The following GDF15 variants were observed in gnomAD, a reference collection of about 807,000 sequenced individuals.
The protein encoded by GDF15 is growth/differentiation factor 15.
A neutral mutation model predicts 8.9 loss-of-function variants in GDF15; 10 were observed. That is an observed-to-expected ratio of 1.12 (90% confidence interval 0.69 to 1.90). The LOEUF is 1.90. Among genes scored for constraint, GDF15 ranks in the 40% most tolerant of loss-of-function variants. The probability of loss-of-function intolerance (pLI) is 0.00; values close to 1 mark genes in which losing one functional copy is unlikely to be tolerated. For missense variants in GDF15, 452 were observed against 434.2 expected, an observed-to-expected ratio of 1.04 and a Z score of -0.36; for synonymous variants, 228 against 210.6, an observed-to-expected ratio of 1.08 and a Z score of -0.72.
At position 18,388,679 on chromosome 19, in the gene GDF15, G is replaced by A. The variant is rs537315987; in HGVS notation, c.671G>A (p.Gly224Asp). Residue 224 changes from glycine to aspartate, a missense_variant, in exon 2 of 2, where the codon GGC becomes GAC. Physicochemically the swap from Gly to Asp is moderately conservative, Grantham distance 94. Transcript: ENST00000252809. This position sits in a 1 kb window ranked among gnomAD's most constrained non-coding sequence, Gnocchi z 4.2. ...GTCCGCGCGTCGCTGGAAGACCTGG[G>A]CTGGGCCGATTGGGTGCTGTCGCCA... ...HTVRASLEDL[G>D]WADWVLSPRE... The A allele has an allele frequency of 8.1e-6, 13 of 1,607,252 alleles. No homozygotes were observed. Among genetic ancestry groups the A allele is most frequent in the South Asian group, 4.4e-5 (4 of 90,940 alleles).
At chr19:18,386,497 C>T (rs1225864990) in intron 1 of GDF15, 31 bp downstream of exon 1, 4 of 1,575,760 alleles carry the variant, frequency 2.5e-6, no homozygotes, top group Middle Eastern at 1.7e-4. Flanking sequence ...CCCCTCCCAC[C>T]CCCCAAGCAG....
Position 18,388,544 on chromosome 19 carries a change from A to C in GDF15, c.536A>C (p.Gln179Pro). Residue 179 changes from glutamine to proline, a missense_variant, in exon 2 of 2, where the codon CAG (glutamine) becomes CCG (proline). By Grantham distance (76) the Gln-to-Pro change is moderately conservative. Coordinates refer to ENST00000252809, the MANE Select transcript of GDF15 (RefSeq NM_004864.4). This position sits in a 1 kb window ranked among gnomAD's most constrained non-coding sequence, Gnocchi z 4.2. Reference protein sequence around the residue: ...LLAESSSARPQLELHLRPQAA... With the variant: ...LLAESSSARPPLELHLRPQAA... Reference sequence around the variant, plus strand: ...GCAGAATCTTCGTCCGCACGGCCCCAGCTGGAGTTGCACTTGCGGCCGCAA... The same window carrying C: ...GCAGAATCTTCGTCCGCACGGCCCCCGCTGGAGTTGCACTTGCGGCCGCAA... The C allele has an allele frequency of 1.3e-6, 2 of 1,597,560 alleles. No individual in the cohort carries two copies. Among genetic ancestry groups the C allele is most frequent in the South Asian group, 2.2e-5 (2 of 90,090 alleles).
rs538473844 is a variant in GDF15, at chr19:18,387,813, C to CTTTTTTTTTT, written c.278-456_278-447dup. 7.1e-4 allele frequency among the ~76,000 whole-genome samples: 50 copies of CTTTTTTTTTT among 70,326 alleles called. 5 individuals are homozygous for CTTTTTTTTTT. The highest frequency in any genetic ancestry group is 2.0e-3 in the African/African-American group (25 of 12,384). The allele number at this position is 70,326 out of a possible 152,430, so 46.1% of individuals were successfully genotyped here. A position where few individuals can be genotyped will look rare whatever the true frequency, so the allele number is the denominator to read the frequency against. On this transcript the variant is annotated intron_variant, in intron 1 of 1. Transcript: ENST00000252809. ...CAGGAGATTCAAGGGGAGAAATGCCCTTTTTTTTTTTTTTTTTTTTTTTTT... is the reference window on the plus strand; with the variant it reads ...CAGGAGATTCAAGGGGAGAAATGCCCTTTTTTTTTTTTTTTTTTTTTTTTTTTTTTTTTTT...
rs1397997585 is a variant in GDF15, at chr19:18,386,430, G to A, written c.241G>A (p.Val81Ile). Reference sequence around the variant, plus strand: ...CTGGGAAGATTCGAACACCGACCTCGTCCCGGCCCCTGCAGTCCGGATACT... The same window carrying A: ...CTGGGAAGATTCGAACACCGACCTCATCCCGGCCCCTGCAGTCCGGATACT... ...QSWEDSNTDLVPAPAVRILTP... is the reference protein window; with the variant it reads ...QSWEDSNTDLIPAPAVRILTP... The change falls in exon 1 of 2, where the codon GTC becomes ATC. Residue 81 changes from valine (V) to isoleucine (I), a missense_variant. Transcript: ENST00000252809. 1 of 1,613,476 alleles carries A rather than the reference G, an allele frequency of 6.2e-7. No individual in the cohort carries two copies. Among genetic ancestry groups the A allele is most frequent in the Non-Finnish European group, 8.5e-7 (1 of 1,179,962 alleles).
chr19:18,386,500 C>T (rs776459489), intron 1 of GDF15, 34 bp downstream of exon 1: 3 of 1,565,486 alleles, frequency 1.9e-6, no homozygotes, highest in East Asian at 4.5e-5. Context: ...CTCCCACCCC[C>T]CAAGCAGCCC....
At position 18,388,524 on chromosome 19, in the gene GDF15, A is replaced by G; in HGVS notation, c.516A>G (p.Glu172=). Residue 172 remains glutamate (E), a synonymous_variant, in exon 2 of 2, where the codon GAA becomes GAG. Transcript: ENST00000252809. This position sits in a 1 kb window ranked among gnomAD's most constrained non-coding sequence, Gnocchi z 4.2. Reference sequence around the variant, plus strand: ...CGCAGTCGGACCAACTGCTGGCAGAATCTTCGTCCGCACGGCCCCAGCTGG... The same window carrying G: ...CGCAGTCGGACCAACTGCTGGCAGAGTCTTCGTCCGCACGGCCCCAGCTGG... ...PPSQSDQLLA[E]SSSARPQLEL... The G allele has an allele frequency of 6.3e-7, 1 of 1,599,590 alleles. No individual in the cohort carries two copies. The highest frequency in any genetic ancestry group is 1.7e-4 in the Middle Eastern group (1 of 6,048).
intron 1 of GDF15, chr19:18,386,778 C>T: frequency 2.4e-6 from 1 of 411,576 alleles, no homozygotes; most frequent in Non-Finnish European, 4.5e-6. Context: ...GCGGTGTGGG[C>T]ATGGTCCCTG....
rs1363658256 is a variant in GDF15 at position 18,388,671 on chromosome 19, A to C, written c.663A>C (p.Glu221Asp). The change falls in exon 2 of 2, where the codon GAA (glutamate) becomes GAC (aspartate). Residue 221 changes from glutamate (E) to aspartate (D), a missense_variant. Glu to Asp is a conservative substitution (Grantham distance 45). Coordinates refer to ENST00000252809, the MANE Select transcript of GDF15 (RefSeq NM_004864.4). This position sits in a 1 kb window ranked among gnomAD's most constrained non-coding sequence, Gnocchi z 4.2. ...TGCACACGGTCCGCGCGTCGCTGGAAGACCTGGGCTGGGCCGATTGGGTGC... is the reference window on the plus strand; with the variant it reads ...TGCACACGGTCCGCGCGTCGCTGGACGACCTGGGCTGGGCCGATTGGGTGC... ...CRLHTVRASL[E>D]DLGWADWVLS... 1 of 1,603,950 alleles carries C rather than the reference A, an allele frequency of 6.2e-7. No individual in the cohort carries two copies. Among genetic ancestry groups the C allele is most frequent in the Non-Finnish European group, 8.5e-7 (1 of 1,175,588 alleles).
Position 18,388,511 on chromosome 19 carries a change from AACT to A in GDF15, c.504_506del (p.Leu170del). The stretch of plus-strand genomic sequence containing the variant: ...TCGCCGCCGCCGTCGCAGTCGGACC[AACT>A]GCTGGCAGAATCTTCGTCCGCACGG... On this transcript the variant is annotated inframe_deletion, in exon 2 of 2. Coordinates refer to ENST00000252809, the MANE Select transcript of GDF15 (RefSeq NM_004864.4). This position sits in a 1 kb window ranked among gnomAD's most constrained non-coding sequence, Gnocchi z 4.2. 2.5e-6 allele frequency: 4 copies of A among 1,601,816 alleles called. No homozygotes were observed. In the South Asian group the frequency reaches 4.4e-5, roughly 18 times the overall value.
Position 18,386,867 on chromosome 19 carries a change from C to G in GDF15, c.277+401C>G, listed in dbSNP as rs972117514. On this transcript the variant is annotated intron_variant, in intron 1 of 1. Coordinates refer to ENST00000252809, the MANE Select transcript of GDF15 (RefSeq NM_004864.4). Reference sequence around the variant, plus strand: ...AGAAGTTTGTGATGGGCAGAGCCAGCTGGAGCTGGTTCTGAATCTGATGAA... The same window carrying G: ...AGAAGTTTGTGATGGGCAGAGCCAGGTGGAGCTGGTTCTGAATCTGATGAA... The G allele has an allele frequency of 3.5e-5, 7 of 199,278 alleles. No individual in the cohort carries two copies. The East Asian group carries it at 7.5e-4, about 21-fold the overall frequency. 12.3% of individuals were successfully genotyped at this position (199,278 alleles called of 1,614,324 possible). A position where few individuals can be genotyped will look rare whatever the true frequency, so the allele number is the denominator to read the frequency against.
chr19:18,386,769 C>T (rs982921746), intron 1 of GDF15: 13 of 431,178 alleles, frequency 3.0e-5, no homozygotes, highest in Admixed American at 2.2e-4. Context: ...GTCGGGCGTG[C>T]GGTGTGGGCA....
Position 18,388,537 on chromosome 19 carries a change from C to T in GDF15, c.529C>T (p.Arg177Trp). 1.9e-6 allele frequency: 3 copies of T among 1,597,100 alleles called. No homozygotes were observed. Among genetic ancestry groups the T allele is most frequent in the East Asian group, 2.3e-5 (1 of 44,276 alleles). Residue 177 changes from arginine (R) to tryptophan (W), a missense_variant, in exon 2 of 2, where the codon CGG becomes TGG. Physicochemically the swap from Arg to Trp is moderately radical, Grantham distance 101 (BLOSUM62 -3). Coordinates refer to ENST00000252809, the MANE Select transcript of GDF15 (RefSeq NM_004864.4). This position sits in a 1 kb window ranked among gnomAD's most constrained non-coding sequence, Gnocchi z 4.2. ...DQLLAESSSA[R>W]PQLELHLRPQ... Reference sequence around the variant, plus strand: ...ACTGCTGGCAGAATCTTCGTCCGCACGGCCCCAGCTGGAGTTGCACTTGCG... The same window carrying T: ...ACTGCTGGCAGAATCTTCGTCCGCATGGCCCCAGCTGGAGTTGCACTTGCG...
At chr19:18,386,775 G>T in intron 1 of GDF15, 1 of 416,990 alleles carries the variant, frequency 2.4e-6, no homozygotes, top group Non-Finnish European at 4.4e-6. Context: ...CGTGCGGTGT[G>T]GGCATGGTCC....
Position 18,388,451 on chromosome 19 carries a change from C to G in GDF15, c.443C>G (p.Ala148Gly), listed in dbSNP as rs778350753. Residue 148 changes from alanine (A) to glycine (G), a missense_variant, in exon 2 of 2, where the codon GCA becomes GGA. Transcript: ENST00000252809. The surrounding 1 kb of genome is among the most constrained non-coding windows in gnomAD (Gnocchi z 4.2). Reference sequence around the variant, plus strand: ...CCGCTGCGGCGTCAGCTCAGCCTTGCAAGACCCCAGGCGCCCGCGCTGCAC... The same window carrying G: ...CCGCTGCGGCGTCAGCTCAGCCTTGGAAGACCCCAGGCGCCCGCGCTGCAC... ...TRPLRRQLSL[A>G]RPQAPALHLR... 1.2e-6 allele frequency: 2 copies of G among 1,609,656 alleles called. No homozygotes were observed. Among genetic ancestry groups the G allele is most frequent in the Non-Finnish European group, 1.7e-6 (2 of 1,179,292 alleles).
chr19:18,388,892 A>G lies in GDF15; in HGVS notation c.884A>G (p.Gln295Arg). 6.2e-7 allele frequency: 1 copy of G among 1,611,202 alleles called. No individual in the cohort carries two copies. Among genetic ancestry groups the G allele is most frequent in the Non-Finnish European group, 8.5e-7 (1 of 1,179,610 alleles). Reference protein sequence around the residue: ...IQKTDTGVSLQTYDDLLAKDC... With the variant: ...IQKTDTGVSLRTYDDLLAKDC... ...AAGACCGACACCGGGGTGTCGCTCC[A>G]GACCTATGATGACTTGTTAGCCAAA... The change falls in exon 2 of 2, where the codon CAG becomes CGG. Residue 295 changes from glutamine (Q) to arginine (R), a missense_variant. Physicochemically the swap from Gln to Arg is conservative, Grantham distance 43. Transcript: ENST00000252809. The surrounding 1 kb of genome is among the most constrained non-coding windows in gnomAD (Gnocchi z 4.2).
At position 18,388,212 on chromosome 19, in the gene GDF15, G is replaced by A; in HGVS notation, c.278-74G>A. The A allele has an allele frequency of 1.5e-6, 2 of 1,369,604 alleles. No homozygotes were observed. The highest frequency in any genetic ancestry group is 2.0e-6 in the Non-Finnish European group (2 of 979,464). 84.8% of individuals were successfully genotyped at this position (1,369,604 alleles called of 1,614,324 possible). A position where few individuals can be genotyped will look rare whatever the true frequency, so the allele number is the denominator to read the frequency against. On this transcript the variant is annotated intron_variant, in intron 1 of 1. Transcript: ENST00000252809. The surrounding 1 kb of genome is among the most constrained non-coding windows in gnomAD (Gnocchi z 4.2). Reference sequence around the variant, plus strand: ...GGTGAGATCCAGCTTGGCGTGTTAGGGGAAATGGGCACCCTCGTTCCTGGA... The same window carrying A: ...GGTGAGATCCAGCTTGGCGTGTTAGAGGAAATGGGCACCCTCGTTCCTGGA...
rs146900068 is a variant in GDF15 at position 18,388,309 on chromosome 19, C to G, written c.301C>G (p.Leu101Val). The part of the protein sequence containing the change: ...PEVRLGSGGH[L>V]HLRISRAALP... ...AGTGCGGCTGGGATCCGGCGGCCAC[C>G]TGCACCTGCGTATCTCTCGGGCCGC... is the stretch of plus-strand genomic sequence containing the variant. Residue 101 changes from leucine to valine, a missense_variant, in exon 2 of 2, where the codon CTG (leucine) becomes GTG (valine). Transcript: ENST00000252809. This position sits in a 1 kb window ranked among gnomAD's most constrained non-coding sequence, Gnocchi z 4.2. 1,326 of 1,610,606 alleles carry G rather than the reference C, an allele frequency of 8.2e-4. No homozygotes were observed. Among genetic ancestry groups the G allele is most frequent in the Non-Finnish European group, 1.0e-3 (1,207 of 1,179,754 alleles).
rs2144616653 is a variant in GDF15 at position 18,388,736 on chromosome 19, C to G, written c.728C>G (p.Ala243Gly). ...GTGCAAGTGACCATGTGCATCGGCGCGTGCCCGAGCCAGTTCCGGGCGGCA... is the reference window on the plus strand; with the variant it reads ...GTGCAAGTGACCATGTGCATCGGCGGGTGCCCGAGCCAGTTCCGGGCGGCA... ...REVQVTMCIG[A>G]CPSQFRAANM... The change falls in exon 2 of 2, where the codon GCG (alanine) becomes GGG (glycine). Residue 243 changes from alanine (A) to glycine (G), a missense_variant. Physicochemically the swap from Ala to Gly is moderately conservative, Grantham distance 60 (BLOSUM62 0). Transcript: ENST00000252809. The surrounding 1 kb of genome is among the most constrained non-coding windows in gnomAD (Gnocchi z 4.2). The G allele has an allele frequency of 6.2e-7, 1 of 1,608,580 alleles. No homozygotes were observed. Among genetic ancestry groups the G allele is most frequent in the South Asian group, 1.1e-5 (1 of 90,966 alleles).
chr19:18,388,467 C>T lies in GDF15; in HGVS notation c.459C>T (p.Pro153=), dbSNP rs1197260228. 5 of 1,608,122 alleles carry T rather than the reference C, an allele frequency of 3.1e-6. No individual in the cohort carries two copies. The Admixed American group carries it at 5.0e-5, about 16-fold the overall frequency. The change falls in exon 2 of 2, where the codon CCC becomes CCT. Residue 153 remains proline, a synonymous_variant. Transcript: ENST00000252809. The surrounding 1 kb of genome is among the most constrained non-coding windows in gnomAD (Gnocchi z 4.2). ...RQLSLARPQA[P]ALHLRLSPPP... ...TCAGCCTTGCAAGACCCCAGGCGCC[C>T]GCGCTGCACCTGCGACTGTCGCCGC...
Sources: allele counts gnomAD v4.1 joint callset (sites outside exome capture counted in the v4.1 genomes callset), GRCh38; gene constraint gnomAD v4.1.1; non-coding constraint Gnocchi (gnomAD v3.1); transcripts MANE v1.5; gene names NCBI Gene and HGNC (gene_info 2026-07-23, HGNC 2026-07-21).